COG5: variants seen among roughly 807,000 people sequenced by gnomAD.
COG5 encodes conserved oligomeric Golgi complex subunit 5.
COG5 carries 86 observed loss-of-function variants against 110.4 expected under a neutral mutation model. The observed-to-expected ratio is 0.78, with a 90% confidence interval of 0.65 to 0.93. The LOEUF is 0.93. Ranked by LOEUF, COG5 falls within the 40% of genes least tolerant of loss-of-function variation. The pLI is 0.00. For synonymous variants in COG5, 360 were observed against 334.6 expected (o/e 1.08, Z -0.83); for missense variants, 1,077 against 987.0 (o/e 1.09, Z -1.22).
At chr7:107,531,346 T>G (rs985161500) in intron 5 of COG5, among the ~76,000 whole-genome samples, 3 of 152,210 alleles carry the variant, frequency 2.0e-5, no homozygotes, top group African/African-American at 7.2e-5. Flanking sequence ...TTTTAAGAGA[T>G]GTATGATTTT....
At chr7:107,228,331 A>G (rs1800520475) in intron 19 of COG5, among the ~76,000 whole-genome samples, 1 of 150,976 alleles carries the variant, frequency 6.6e-6, no homozygotes, top group Admixed American at 6.6e-5. Flanking sequence ...AAAAAGCCAA[A>G]TCTTCCTATA....
intron 6 of COG5, among the ~76,000 whole-genome samples, chr7:107,517,647 T>C (rs1800020969): frequency 6.6e-6 from 1 of 151,680 alleles, no homozygotes; most frequent in Non-Finnish European, 1.5e-5. Flanking sequence ...ACAGCGGATC[T>C]CTCAGCAGAA....
chr7:107,411,183 G>C (rs1040365568), intron 7 of COG5, among the ~76,000 whole-genome samples: 2 of 152,196 alleles, frequency 1.3e-5, no homozygotes, highest in Non-Finnish European at 2.9e-5. Context: ...AATTCATACA[G>C]GATGGAGGGC....
chr7:107,515,982 T>A (rs1360826942), intron 6 of COG5, among the ~76,000 whole-genome samples: 1 of 152,236 alleles, frequency 6.6e-6, no homozygotes, highest in Admixed American at 6.5e-5. Context: ...TTAAATAACA[T>A]CACCACTTTG....
intron 7 of COG5, among the ~76,000 whole-genome samples, chr7:107,375,830 T>C (rs1814594171): frequency 6.6e-6 from 1 of 152,024 alleles, no homozygotes; most frequent in Admixed American, 6.5e-5. Context: ...GTAGCCCATT[T>C]TATTAATCTT....
chr7:107,467,124 T>C (rs755197967), intron 6 of COG5, among the ~76,000 whole-genome samples: 4 of 152,156 alleles, frequency 2.6e-5, no homozygotes, highest in Non-Finnish European at 5.9e-5. Flanking sequence ...AAAACAGATA[T>C]GCAATTAAAA....
chr7:107,560,336 C>T (rs1457234143), intron 1 of COG5, among the ~76,000 whole-genome samples: 8 of 152,094 alleles, frequency 5.3e-5, no homozygotes, highest in East Asian at 3.8e-4. Flanking sequence ...AATGAAGGCC[C>T]GACTAAGACC....
intron 7 of COG5, among the ~76,000 whole-genome samples, chr7:107,381,718 A>C (rs1280528881): frequency 6.6e-6 from 1 of 152,248 alleles, no homozygotes; most frequent in Non-Finnish European, 1.5e-5. Context: ...GTTCAAAAAT[A>C]TCAAGCAAAA....
chr7:107,395,847 G>A (rs1320959628), intron 7 of COG5, among the ~76,000 whole-genome samples: 10 of 151,976 alleles, frequency 6.6e-5, no homozygotes, highest in South Asian at 4.1e-4. Flanking sequence ...GAGCCACTGC[G>A]CCCAGACAAA....
chr7:107,329,172 A>C (rs1157621163), intron 10 of COG5, among the ~76,000 whole-genome samples: 1 of 152,164 alleles, frequency 6.6e-6, no homozygotes, highest in South Asian at 2.1e-4. Flanking sequence ...GAACCCTGAT[A>C]TCCTAATACA....
chr7:107,335,740 CAA>C (rs1303481290), intron 10 of COG5, among the ~76,000 whole-genome samples: 1 of 152,078 alleles, frequency 6.6e-6, no homozygotes, highest in Non-Finnish European at 1.5e-5. Context: ...ACTTCACCTA[CAA>C]AGACACACAT....
intron 13 of COG5, among the ~76,000 whole-genome samples, chr7:107,283,259 A>G (rs576012327): frequency 7.2e-5 from 11 of 152,314 alleles, no homozygotes; most frequent in African/African-American, 2.6e-4. Context: ...ATCGTTTATT[A>G]TATTTGATTT....
chr7:107,347,969 A>G (rs1020048773), intron 10 of COG5, among the ~76,000 whole-genome samples: 5 of 151,634 alleles, frequency 3.3e-5, no homozygotes, highest in African/African-American at 1.2e-4. Context: ...CTACTAAAAT[A>G]CAAAAAAATA....
At chr7:107,335,207 T>C (rs1810603408) in intron 10 of COG5, among the ~76,000 whole-genome samples, 1 of 152,184 alleles carries the variant, frequency 6.6e-6, no homozygotes, top group African/African-American at 2.4e-5. Context: ...CTGGCCAAGA[T>C]GGTGAAACCC....
At chr7:107,456,027 G>A (rs1036365046) in intron 6 of COG5, among the ~76,000 whole-genome samples, 2 of 151,902 alleles carry the variant, frequency 1.3e-5, no homozygotes, top group Non-Finnish European at 2.9e-5. Flanking sequence ...TCGAACTCCT[G>A]ACCTCAAGTG....
At chr7:107,443,553 TC>T (rs1314416436) in intron 6 of COG5, among the ~76,000 whole-genome samples, 2 of 151,142 alleles carry the variant, frequency 1.3e-5, no homozygotes, top group Non-Finnish European at 3.0e-5. Flanking sequence ...AAAAAATACC[TC>T]AGGCCAAAAT....
At chr7:107,303,999 TCA>T (rs1188747544) in intron 11 of COG5, among the ~76,000 whole-genome samples, 1 of 152,168 alleles carries the variant, frequency 6.6e-6, no homozygotes, top group Non-Finnish European at 1.5e-5. Flanking sequence ...GAAATTAAAC[TCA>T]CATTAAACAA....
intron 5 of COG5, among the ~76,000 whole-genome samples, chr7:107,544,276 C>T (rs914104623): frequency 3.9e-5 from 6 of 152,158 alleles, no homozygotes; most frequent in Admixed American, 3.9e-4. Flanking sequence ...CAGGCCCATC[C>T]CCAAGGTCCC....
At chr7:107,546,435 GTT>G (rs754919944) in intron 5 of COG5, among the ~76,000 whole-genome samples, 3 of 119,478 alleles carry the variant, frequency 2.5e-5, no homozygotes, top group Admixed American at 9.1e-5. Context: ...TTGGTTTTTT[GTT>G]TTTTTTTTTT....
Sources: gnomAD v4.1 joint callset for allele counts (sites outside exome capture counted in the v4.1 genomes callset) on GRCh38, gnomAD v4.1.1 for gene constraint, MANE v1.5 for transcripts, NCBI Gene and HGNC (gene_info 2026-07-23, HGNC 2026-07-21) for gene names.